The following LLGL2 variants were observed in gnomAD, a reference collection of about 807,000 sequenced individuals.
The protein encoded by LLGL2 is LLGL2, scribble cell polarity complex component.
A neutral mutation model predicts 123.2 loss-of-function variants in LLGL2; 81 were observed. The observed-to-expected ratio is 0.66, with a 90% CI of 0.55 to 0.79. The LOEUF is 0.79. Ranked by LOEUF, LLGL2 falls within the 30% of genes least tolerant of loss-of-function variation. The pLI is 0.00. For synonymous variants in LLGL2, 577 were observed against 594.1 expected (o/e 0.97, Z 0.42); for missense variants, 1,273 against 1,414.6 (o/e 0.90, Z 1.61).
Position 75,574,218 on chromosome 17 carries a change from C to T in LLGL2, c.2911C>T (p.Gln971Ter), listed in dbSNP as rs780706584. 6.5e-7 allele frequency: 1 copy of T among 1,536,776 alleles called. No individual in the cohort carries two copies. Among genetic ancestry groups the T allele is most frequent in the Non-Finnish European group, 8.8e-7 (1 of 1,140,376 alleles). The change falls in exon 23 of 26, where the codon CAG (glutamine) becomes TAG (stop). Residue 971 changes from glutamine to a stop codon, truncating the protein, a stop_gained. Transcript: ENST00000392550. LOFTEE classifies it high-confidence loss of function. ...ACCCGGCCTCTACCTTCCAGAGAAG[C>T]AGCCCGGCCTGGTGATGGAGCGCGC... Reference protein sequence around the residue: ...SGTQSDGEEKQPGLVMERALL... With the variant: ...SGTQSDGEEK
rs142305370 is a variant in LLGL2, at chr17:75,551,561, G to T, written c.76-4485G>T. Reference sequence around the variant, plus strand: ...GAATGAATGCGGGTGGTTGAAGGATGGGCCCAACCCTTTGTCTTCCTCTGA... The same window carrying T: ...GAATGAATGCGGGTGGTTGAAGGATTGGCCCAACCCTTTGTCTTCCTCTGA... On this transcript the variant is annotated intron_variant, in intron 2 of 25. Transcript: ENST00000392550. 5.5e-4 allele frequency among the ~76,000 whole-genome samples: 83 copies of T among 152,280 alleles called. 2 individuals carry two copies. The East Asian group carries it at 0.015, about 28-fold the overall frequency.
In LLGL2 at chr17:75,559,400, G is replaced by A. The variant is rs1044884709; in HGVS notation, c.520G>A (p.Val174Met). ...GGACCGGACCATCAGCTCGGACGCG[G>A]TGCTGCAGCGGTGAGCCCAGAGCCC... ...LEDRTISSDA[V>M]LQRLPEEARH... is the part of the protein sequence containing the mutation. Residue 174 changes from valine (V) to methionine (M), a missense_variant, in exon 6 of 26, where the codon GTG becomes ATG. By Grantham distance (21) the Val-to-Met change is conservative. Transcript: ENST00000392550. The surrounding 1 kb of genome is among the most constrained non-coding windows in gnomAD (Gnocchi z 4.6). 28 of 1,608,058 alleles carry A rather than the reference G, an allele frequency of 1.7e-5. No homozygotes were observed. Among genetic ancestry groups the A allele is most frequent in the Non-Finnish European group, 2.4e-5 (28 of 1,177,644 alleles).
At chr17:75,565,851 G>A (rs1329969276) in intron 10 of LLGL2, among the ~76,000 whole-genome samples, 2 of 152,186 alleles carry the variant, frequency 1.3e-5, no homozygotes, top group Admixed American at 1.3e-4. Flanking sequence ...GCTGTCCTTG[G>A]TAGGCTCTCC....
At position 75,573,562 on chromosome 17, in the gene LLGL2, A is replaced by T. The variant is rs768706544; in HGVS notation, c.2807A>T (p.Asp936Val). The T allele has an allele frequency of 6.8e-6, 11 of 1,612,654 alleles. No individual in the cohort carries two copies. Among genetic ancestry groups the T allele is most frequent in the Admixed American group, 1.7e-5 (1 of 59,992 alleles). The change falls in exon 21 of 26, where the codon GAT becomes GTT. Residue 936 changes from aspartate (D) to valine (V), a missense_variant. Physicochemically the swap from Asp to Val is radical, Grantham distance 152 (BLOSUM62 -3). Transcript: ENST00000392550. ...KWLVEPRCLV[D>V]SAETKNHRPG... ...CTGGTGGAGCCCCGGTGTCTGGTGG[A>T]TTCAGCAGAAACCAAGAACCACCGC...
chr17:75,560,879 C>T (rs1220921514), intron 6 of LLGL2, among the ~76,000 whole-genome samples: 4 of 144,982 alleles, frequency 2.8e-5, no homozygotes, highest in Non-Finnish European at 6.1e-5. Flanking sequence ...TGTCCCAGGC[C>T]GAAGTGCAGT....
chr17:75,541,855 A>AT (rs2054223811), intron 1 of LLGL2, among the ~76,000 whole-genome samples: 1 of 149,274 alleles, frequency 6.7e-6, no homozygotes, highest in South Asian at 2.1e-4. Context: ...TTAGCCTTCC[A>AT]AGTAGCTGGG....
At chr17:75,551,317 C>T (rs2054661575) in intron 2 of LLGL2, among the ~76,000 whole-genome samples, 1 of 152,130 alleles carries the variant, frequency 6.6e-6, no homozygotes, top group Non-Finnish European at 1.5e-5. Context: ...GACAGCTCTG[C>T]CCAGTGCAGT....
chr17:75,537,522 A>C (rs62088534), intron 1 of LLGL2, among the ~76,000 whole-genome samples: 44,920 of 151,910 alleles, frequency 0.3, 7,843 homozygotes, highest in African/African-American at 0.49. Context: ...GGTGAAAACC[A>C]CAGCTCTACT....
Position 75,556,093 on chromosome 17 carries a change from C to T in LLGL2, c.123C>T (p.Ser41=). The T allele has an allele frequency of 6.2e-7, 1 of 1,610,190 alleles. No individual in the cohort carries two copies. The change falls in exon 3 of 26, where the codon AGC becomes AGT. Residue 41 remains serine (S), a synonymous_variant. Transcript: ENST00000392550. ...FPHQPSALGY[S]PSLRILAIGT... ...ACCAGCCCAGCGCCCTCGGCTACAG[C>T]CCGTCCCTGCGCATCCTGGCCATCG...
rs201926585 is a variant in LLGL2 at position 75,574,529 on chromosome 17, C to T, written c.2996+34C>T. 61 of 1,575,908 alleles carry T rather than the reference C, an allele frequency of 3.9e-5. No individual in the cohort carries two copies. In the Middle Eastern group the frequency reaches 1.2e-3, roughly 30 times the overall value. ...CCGCCCAGGCCAGCTGGGGTGGGCC[C>T]GAGGCTCTGCCAGAGGGCTCAGGGG... On this transcript the variant is annotated intron_variant, in intron 24 of 25. Coordinates refer to ENST00000392550, the MANE Select transcript of LLGL2 (RefSeq NM_001031803.2).
chr17:75,559,307 C>T lies in LLGL2; in HGVS notation c.427C>T (p.Leu143=), dbSNP rs140150284. 1.4e-5 allele frequency: 22 copies of T among 1,613,410 alleles called. No homozygotes were observed. The African/African-American group carries it at 1.7e-4, about 13-fold the overall frequency. ...GGTCCTGCCACATTCCTCCTGCGAG[C>T]TGCTCTACCTGGGCACCGAGAGTGG... The part of the protein sequence containing the change: ...TVVLPHSSCE[L]LYLGTESGNV... The change falls in exon 6 of 26, where the codon CTG becomes TTG. Residue 143 remains leucine (L), a synonymous_variant. Transcript: ENST00000392550. The surrounding 1 kb of genome is among the most constrained non-coding windows in gnomAD (Gnocchi z 4.6).
chr17:75,554,762 G>T (rs572047193), intron 2 of LLGL2, among the ~76,000 whole-genome samples: 1 of 151,658 alleles, frequency 6.6e-6, no homozygotes. Flanking sequence ...GGTGGCGGGC[G>T]CCTGTAGTCC....
In LLGL2 at chr17:75,563,080, C is replaced by T. The variant is rs774595912; in HGVS notation, c.595C>T (p.Arg199Ter). ...GGTGGAGGCACTGCAGGAGCACCCT[C>T]GAGACCCCAACCAGATCCTGATCGG... ...EMVEALQEHP[R>*]DPNQILIGYS... The change falls in exon 7 of 26, where the codon CGA becomes TGA. Residue 199 changes from arginine (R) to a stop codon, truncating the protein, a stop_gained. Coordinates refer to ENST00000392550, the MANE Select transcript of LLGL2 (RefSeq NM_001031803.2). LOFTEE classifies it high-confidence loss of function. The T allele has an allele frequency of 6.8e-6, 11 of 1,613,118 alleles. No individual in the cohort carries two copies. Among genetic ancestry groups the T allele is most frequent in the African/African-American group, 1.3e-5 (1 of 74,956 alleles).
chr17:75,570,261 C>T lies in LLGL2; in HGVS notation c.1874+6C>T, dbSNP rs1440770486. ...CGGCGGCAGGTCTTTGTTAAGTGAGCAGGGGCGGCTGGGTCCCGGGGCTGG... is the reference window on the plus strand; with the variant it reads ...CGGCGGCAGGTCTTTGTTAAGTGAGTAGGGGCGGCTGGGTCCCGGGGCTGG... On this transcript the variant is annotated splice_donor_region_variant and intron_variant, in intron 15 of 25. Coordinates refer to ENST00000392550, the MANE Select transcript of LLGL2 (RefSeq NM_001031803.2). The T allele has an allele frequency of 1.9e-6, 3 of 1,599,666 alleles. No homozygotes were observed. In the South Asian group the frequency reaches 3.3e-5, roughly 18 times the overall value.
rs1213708805 is a variant in LLGL2, at chr17:75,573,007, C to T, written c.2461-7C>T. The stretch of plus-strand genomic sequence containing the variant: ...CATGGGCATGAACAACCACCCCACG[C>T]CCCCAGGTGTTCACGCTGCCCAAGG... On this transcript the variant is annotated splice_polypyrimidine_tract_variant and splice_region_variant and intron_variant, in intron 19 of 25. Coordinates refer to ENST00000392550, the MANE Select transcript of LLGL2 (RefSeq NM_001031803.2). 1.3e-6 allele frequency: 2 copies of T among 1,598,434 alleles called. No homozygotes were observed. Among genetic ancestry groups the T allele is most frequent in the Non-Finnish European group, 1.7e-6 (2 of 1,169,720 alleles).
At position 75,553,224 on chromosome 17, in the gene LLGL2, C is replaced by T. The variant is rs147586963; in HGVS notation, c.76-2822C>T. Among the ~76,000 whole-genome samples, 553 of 152,348 alleles carry T rather than the reference C, an allele frequency of 3.6e-3. 18 individuals carry two copies. In the East Asian group the frequency reaches 0.054, roughly 15 times the overall value. On this transcript the variant is annotated intron_variant, in intron 2 of 25. Coordinates refer to ENST00000392550, the MANE Select transcript of LLGL2 (RefSeq NM_001031803.2). ...CAGGGACCTGGGCTGGCCTGGGGGC[C>T]GCTGCTGGGCCCTATCTGTCCCCCT...
At chr17:75,539,303 C>T (rs186015370) in intron 1 of LLGL2, among the ~76,000 whole-genome samples, 133 of 152,264 alleles carry the variant, frequency 8.7e-4, no homozygotes, top group Non-Finnish European at 1.6e-3. Context: ...TCAAGTGATC[C>T]TCCCACCGTA....
Position 75,525,843 on chromosome 17 carries a change from C to G in LLGL2, c.-31+18C>G, listed in dbSNP as rs1274838811. 3 of 151,582 alleles carry G rather than the reference C, an allele frequency of 2.0e-5. No homozygotes were observed. Among genetic ancestry groups the G allele is most frequent in the Non-Finnish European group, 4.4e-5 (3 of 67,836 alleles). The allele number at this position is 151,582 out of a possible 1,614,324, so 9.4% of individuals were successfully genotyped here. On this transcript the variant is annotated intron_variant, in intron 1 of 25. Transcript: ENST00000392550. The surrounding 1 kb of genome is among the most constrained non-coding windows in gnomAD (Gnocchi z 4.8). Reference sequence around the variant, plus strand: ...GGTTCCAGGTGAGATGCGTGCCGGACTCGCCCAGCCGGGCCCGCCCCCTCG... The same window carrying G: ...GGTTCCAGGTGAGATGCGTGCCGGAGTCGCCCAGCCGGGCCCGCCCCCTCG...
In LLGL2 at chr17:75,574,251, A is replaced by T. The variant is rs537728468; in HGVS notation, c.2944A>T (p.Ser982Cys). ...PGLVMERALL[S>C]DERVLKEIQS... ...CCTGGTGATGGAGCGCGCTCTGCTCAGTGATGAGAGTGAGTTGGGTGGGAG... is the reference window on the plus strand; with the variant it reads ...CCTGGTGATGGAGCGCGCTCTGCTCTGTGATGAGAGTGAGTTGGGTGGGAG... The change falls in exon 23 of 26, where the codon AGT becomes TGT. Residue 982 changes from serine (S) to cysteine (C), a missense_variant. Transcript: ENST00000392550. 6 of 1,098,096 alleles carry T rather than the reference A, an allele frequency of 5.5e-6. No individual in the cohort carries two copies. In the East Asian group the frequency reaches 3.8e-4, roughly 70 times the overall value. 68.0% of individuals were successfully genotyped at this position (1,098,096 alleles called of 1,614,324 possible).
Sources: allele counts gnomAD v4.1 joint callset (sites outside exome capture counted in the v4.1 genomes callset), GRCh38; gene constraint gnomAD v4.1.1; non-coding constraint Gnocchi (gnomAD v3.1); transcripts MANE v1.5; gene names NCBI Gene and HGNC (gene_info 2026-07-23, HGNC 2026-07-21).